MSRA: variants seen among roughly 807,000 people sequenced by gnomAD.
The protein encoded by MSRA is mitochondrial peptide methionine sulfoxide reductase.
In MSRA, 54 loss-of-function variants were observed where a neutral mutation model predicts 31.3. That is an observed-to-expected ratio of 1.73 (90% CI 1.39 to 2.17). MSRA has a LOEUF of 2.17. Ranked by LOEUF, MSRA falls within the 30% of genes most tolerant of loss-of-function variation. The pLI is 0.00. For synonymous variants in MSRA, 169 were observed against 116.5 expected (o/e 1.45, Z -2.90); for missense variants, 507 against 300.9 (o/e 1.69, Z -5.07).
At chr8:10,244,943 G>A (rs970688200) in intron 2 of MSRA, among the ~76,000 whole-genome samples, 161 bp from the exon 3 acceptor site, 13 of 151,844 alleles carry the variant, frequency 8.6e-5, no homozygotes, top group Non-Finnish European at 1.6e-4. Context: ...CCAATGTTAA[G>A]AACTCTCCTT....
At chr8:10,059,003 C>G (rs1182464109) in intron 1 of MSRA, 2 of 152,104 alleles carry the variant, frequency 1.3e-5, no homozygotes, top group Non-Finnish European at 2.9e-5. Flanking sequence ...ATTGTAGGTA[C>G]AGCCAGTGTG....
At chr8:10,331,649 A>C (rs1364540228) in intron 5 of MSRA, among the ~76,000 whole-genome samples, 2 of 152,190 alleles carry the variant, frequency 1.3e-5, no homozygotes, top group Non-Finnish European at 2.9e-5. Flanking sequence ...GCATTTTACG[A>C]ATACAGTCAT....
chr8:10,178,159 C>A (rs1806217788), intron 1 of MSRA, among the ~76,000 whole-genome samples: 1 of 152,196 alleles, frequency 6.6e-6, no homozygotes, highest in South Asian at 2.1e-4. Context: ...TTATCCATGA[C>A]ATTTAAAATG....
intron 4 of MSRA, among the ~76,000 whole-genome samples, chr8:10,317,442 T>G (rs1336084019): frequency 6.6e-6 from 1 of 152,214 alleles, no homozygotes; most frequent in Non-Finnish European, 1.5e-5. Flanking sequence ...CTCTGCTTCC[T>G]CTGGCTCTGC....
At chr8:10,377,182 T>A (rs1208652494) in intron 5 of MSRA, among the ~76,000 whole-genome samples, 1 of 152,278 alleles carries the variant, frequency 6.6e-6, no homozygotes, top group Non-Finnish European at 1.5e-5. Context: ...TTGCCTGCTG[T>A]ACAGGTGGAA....
chr8:10,373,742 C>G (rs1805605231), intron 5 of MSRA, among the ~76,000 whole-genome samples: 1 of 152,206 alleles, frequency 6.6e-6, no homozygotes, highest in Non-Finnish European at 1.5e-5. Flanking sequence ...CTGGGGAGAT[C>G]AAGTGGGACA....
intron 2 of MSRA, among the ~76,000 whole-genome samples, chr8:10,229,461 C>T (rs1811277228): frequency 6.6e-6 from 1 of 152,122 alleles, no homozygotes; most frequent in Admixed American, 6.5e-5. Context: ...TGGGGGCCGG[C>T]TCTGAGGCTG....
chr8:10,204,566 A>G (rs923882323), intron 1 of MSRA, among the ~76,000 whole-genome samples: 44 of 152,252 alleles, frequency 2.9e-4, no homozygotes, highest in African/African-American at 1.0e-3. Flanking sequence ...TAGGGGCAAT[A>G]GACTATACCA....
intron 1 of MSRA, among the ~76,000 whole-genome samples, chr8:10,101,373 G>A (rs1005794554): frequency 1.3e-5 from 2 of 151,966 alleles, no homozygotes; most frequent in Admixed American, 1.3e-4. Context: ...TTTAGAAATT[G>A]TGATAAAATA....
At chr8:10,405,443 A>G (rs1563444025) in intron 5 of MSRA, among the ~76,000 whole-genome samples, 1 of 152,224 alleles carries the variant, frequency 6.6e-6, no homozygotes, top group Non-Finnish European at 1.5e-5. Flanking sequence ...CAGAAGGAAG[A>G]TGAGCTCTCT....
intron 1 of MSRA, among the ~76,000 whole-genome samples, chr8:10,065,574 C>G (rs1402601530): frequency 6.6e-6 from 1 of 152,118 alleles, no homozygotes; most frequent in Non-Finnish European, 1.5e-5. Context: ...ATATGAAGTT[C>G]CAAGTGTAAG....
At chr8:10,098,541 G>T (rs1195233755) in intron 1 of MSRA, among the ~76,000 whole-genome samples, 1 of 152,158 alleles carries the variant, frequency 6.6e-6, no homozygotes, top group Non-Finnish European at 1.5e-5. Flanking sequence ...GGGGATGGAA[G>T]AGGGAATAGA....
At chr8:10,412,683 T>G (rs1808228323) in intron 5 of MSRA, among the ~76,000 whole-genome samples, 1 of 152,184 alleles carries the variant, frequency 6.6e-6, no homozygotes. Flanking sequence ...ACAGGATGCC[T>G]TTGTATACAG....
chr8:10,319,973 A>C lies in MSRA; in HGVS notation c.527A>C (p.Lys176Thr). ...AKQMEAALSS[K>T]ENYQKVLSEH... ...CAAATGGAGGCAGCCCTGAGCTCCA[A>C]AGAGAACTACCAAAAGGTAGGGATT... The change falls in exon 5 of 6, where the codon AAA becomes ACA. Residue 176 changes from lysine (K) to threonine (T), a missense_variant. Coordinates refer to ENST00000317173, the MANE Select transcript of MSRA (RefSeq NM_012331.5). 1 of 1,598,976 alleles carries C rather than the reference A, an allele frequency of 6.3e-7. No homozygotes were observed. Among genetic ancestry groups the C allele is most frequent in the Non-Finnish European group, 8.5e-7 (1 of 1,172,916 alleles).
rs376471083 is a variant in MSRA, at chr8:10,264,279, A to G, written c.331+19056A>G. Among the ~76,000 whole-genome samples the G allele has an allele frequency of 3.9e-5, 6 of 152,208 alleles. No individual in the cohort carries two copies. In the East Asian group the frequency reaches 5.8e-4, roughly 15 times the overall value. On this transcript the variant is annotated intron_variant, in intron 3 of 5. Coordinates refer to ENST00000317173, the MANE Select transcript of MSRA (RefSeq NM_012331.5). ...CCAGTAGCTTATGAGAACTCCAGCT[A>G]TTAGCATGTAGCATTTAACCTCCTA... is the stretch of plus-strand genomic sequence containing the variant.
At chr8:10,155,548 C>A (rs1420180682) in intron 1 of MSRA, among the ~76,000 whole-genome samples, 2 of 152,128 alleles carry the variant, frequency 1.3e-5, no homozygotes, top group South Asian at 2.1e-4. Flanking sequence ...ATGCCCAGAT[C>A]TTCGTTTCTG....
intron 1 of MSRA, 23 bp from the exon 2 acceptor site, chr8:10,207,810 C>A (rs190341092): frequency 1.3e-6 from 2 of 1,569,782 alleles, no homozygotes; most frequent in Non-Finnish European, 1.7e-6. Flanking sequence ...CTTAAACTTG[C>A]ATTTCTTTTT....
chr8:10,245,086 T>C lies in MSRA; in HGVS notation c.212-18T>C, dbSNP rs1436115422. ...TTGAATAATCAGTATCCTTTTTTTTTCTTTTTTCTTTTTTAAGGAATGGGA... is the reference window on the plus strand; with the variant it reads ...TTGAATAATCAGTATCCTTTTTTTTCCTTTTTTCTTTTTTAAGGAATGGGA... On this transcript the variant is annotated intron_variant, in intron 2 of 5. Coordinates refer to ENST00000317173, the MANE Select transcript of MSRA (RefSeq NM_012331.5). 8.7e-6 allele frequency: 14 copies of C among 1,608,750 alleles called. No homozygotes were observed. In the East Asian group the frequency reaches 1.1e-4, roughly 13 times the overall value.
At chr8:10,361,076 A>G (rs555919137) in intron 5 of MSRA, among the ~76,000 whole-genome samples, 1 of 152,350 alleles carries the variant, frequency 6.6e-6, no homozygotes, top group South Asian at 2.1e-4. Context: ...GCCCGTTTCC[A>G]TGCCCTCTCA....
Sources: gnomAD v4.1 joint callset for allele counts (sites outside exome capture counted in the v4.1 genomes callset) on GRCh38, gnomAD v4.1.1 for gene constraint, MANE v1.5 for transcripts, NCBI Gene and HGNC (gene_info 2026-07-23, HGNC 2026-07-21) for gene names.